RANBP2: variants seen among roughly 807,000 people sequenced by gnomAD.
RANBP2 encodes E3 SUMO-protein ligase RanBP2.
In RANBP2, 57 loss-of-function variants were observed where a neutral mutation model predicts 303.6. The observed-to-expected ratio is 0.19, with a 90% CI of 0.15 to 0.23. The LOEUF (loss-of-function observed/expected upper bound fraction) is 0.23. RANBP2 is among the 10% of genes least tolerant of loss of function. The pLI, the probability that RANBP2 is intolerant of heterozygous loss-of-function variation, is 1.00. For missense variants in RANBP2, 3,138 were observed against 3,780.8 expected (o/e 0.83, Z 4.46); for synonymous variants, 1,167 against 1,301.5 (o/e 0.90, Z 2.23).
chr2:108,911,188 C>T, the RANBP2 span: 1,114 of 1,321,438 alleles, frequency 8.4e-4, 1 homozygote, highest in Non-Finnish European at 1.1e-3. Context: ...TTCAGGGAAC[C>T]CTGAAATCTG....
At chr2:109,629,668 A>T in the RANBP2 span, among the ~76,000 whole-genome samples, 1 of 151,704 alleles carries the variant, frequency 6.6e-6, no homozygotes, top group African/African-American at 2.4e-5. Flanking sequence ...AAAATTAGCC[A>T]GGCATGGTGG....
the RANBP2 span, among the ~76,000 whole-genome samples, chr2:108,959,887 TCCAA>T: frequency 5.0e-4 from 76 of 152,062 alleles, no homozygotes; most frequent in South Asian, 2.3e-3. Flanking sequence ...CACACACATA[TCCAA>T]GTGAAACCAA....
the RANBP2 span, among the ~76,000 whole-genome samples, chr2:109,292,753 A>G: frequency 6.6e-6 from 1 of 152,022 alleles, no homozygotes. Flanking sequence ...TTTTTTTGAG[A>G]TGGAGTTTCA....
At chr2:109,249,563 C>CCTTA in the RANBP2 span, among the ~76,000 whole-genome samples, 2 of 135,006 alleles carry the variant, frequency 1.5e-5, no homozygotes, top group Non-Finnish European at 3.1e-5. Flanking sequence ...TTCCTTCCTT[C>CCTTA]CTTCCTTCCT....
chr2:109,727,032 C>T, the RANBP2 span, among the ~76,000 whole-genome samples: 7 of 152,338 alleles, frequency 4.6e-5, no homozygotes, highest in Admixed American at 3.3e-4. Context: ...GTTGGAGGCG[C>T]GTGGGGGTCA....
chr2:109,243,827 G>A, the RANBP2 span, among the ~76,000 whole-genome samples: 1 of 152,232 alleles, frequency 6.6e-6, no homozygotes, highest in African/African-American at 2.4e-5. Flanking sequence ...TTGAAAGGCT[G>A]TAATCAGGAC....
chr2:109,348,870 C>G, the RANBP2 span, among the ~76,000 whole-genome samples: 1 of 152,164 alleles, frequency 6.6e-6, no homozygotes, highest in East Asian at 1.9e-4. Context: ...TAATGCAGAT[C>G]TCTGATGTTA....
the RANBP2 span, among the ~76,000 whole-genome samples, chr2:109,548,775 C>CAAAAAAAAA: frequency 1.1e-4 from 7 of 63,596 alleles, no homozygotes; most frequent in Non-Finnish European, 1.8e-4. Context: ...GGCTCCATCT[C>CAAAAAAAAA]AAAAAAAAAA....
the RANBP2 span, among the ~76,000 whole-genome samples, chr2:108,938,490 G>A: frequency 2.6e-5 from 4 of 152,186 alleles, no homozygotes; most frequent in Non-Finnish European, 5.9e-5. Context: ...GATTGCTCAC[G>A]AAAATAACGT....
intron 17 of RANBP2, among the ~76,000 whole-genome samples, chr2:108,757,375 T>C (rs540694884): frequency 5.3e-5 from 8 of 152,302 alleles, no homozygotes; most frequent in African/African-American, 1.9e-4. Context: ...AGAAAACATT[T>C]TTGGAGTCAG....
At chr2:108,923,880 A>C in the RANBP2 span, among the ~76,000 whole-genome samples, 1 of 152,224 alleles carries the variant, frequency 6.6e-6, no homozygotes, top group Admixed American at 6.5e-5. Context: ...CCTGCAGCCT[A>C]GTGGGATTAT....
At chr2:109,170,290 T>TCC in the RANBP2 span, among the ~76,000 whole-genome samples, 2 of 116,470 alleles carry the variant, frequency 1.7e-5, no homozygotes, top group African/African-American at 3.0e-5. Context: ...TTCTCTTCTC[T>TCC]TCTCTTCTCT....
chr2:109,524,303 C>G, the RANBP2 span, among the ~76,000 whole-genome samples: 12,989 of 152,078 alleles, frequency 0.085, 714 homozygotes, highest in East Asian at 0.21. Context: ...AGTGGTCACA[C>G]GCTGCCCACT....
the RANBP2 span, among the ~76,000 whole-genome samples, chr2:109,252,092 C>G: frequency 1.6e-5 from 1 of 61,888 alleles, no homozygotes; most frequent in Non-Finnish European, 2.7e-5. Flanking sequence ...ACAAAAAATA[C>G]AAATAGCTGA....
chr2:109,581,398 C>T, the RANBP2 span, among the ~76,000 whole-genome samples: 1 of 151,612 alleles, frequency 6.6e-6, no homozygotes, highest in Non-Finnish European at 1.5e-5. Flanking sequence ...GATTGCGCCA[C>T]TGCACTCCTG....
the RANBP2 span, chr2:109,618,904 G>A: frequency 2.4e-5 from 4 of 166,968 alleles, no homozygotes; most frequent in Admixed American, 6.5e-5. Flanking sequence ...AGGTTGCCTT[G>A]TCTCTCCTAT....
At chr2:109,680,361 ACT>A in the RANBP2 span, among the ~76,000 whole-genome samples, 2 of 150,984 alleles carry the variant, frequency 1.3e-5, no homozygotes, top group African/African-American at 2.4e-5. Context: ...ACAGAGCGAG[ACT>A]CTGTCTCAAA....
At chr2:109,533,979 C>T in the RANBP2 span, among the ~76,000 whole-genome samples, 5 of 152,182 alleles carry the variant, frequency 3.3e-5, no homozygotes, top group Non-Finnish European at 5.9e-5. Context: ...GAGGCCAGAC[C>T]GGGAGGAGCC....
chr2:108,867,563 C>G, the RANBP2 span, among the ~76,000 whole-genome samples: 2 of 152,138 alleles, frequency 1.3e-5, no homozygotes, highest in African/African-American at 2.4e-5. Flanking sequence ...TCCTACTCAT[C>G]TTTCAAGAAA....
Sources: allele counts gnomAD v4.1 joint callset (sites outside exome capture counted in the v4.1 genomes callset), GRCh38; gene constraint gnomAD v4.1.1; transcripts MANE v1.5; gene names NCBI Gene and HGNC (gene_info 2026-07-23, HGNC 2026-07-21).